The following KCTD5 variants were observed in gnomAD, a reference collection of about 807,000 sequenced individuals.
The protein encoded by KCTD5 is BTB/POZ domain-containing protein KCTD5.
In KCTD5, 12 loss-of-function variants were observed where a neutral mutation model predicts 27.9. The observed-to-expected ratio is 0.43, with a 90% CI of 0.28 to 0.70. The LOEUF is 0.70. Among genes scored for constraint, KCTD5 ranks in the 30% least tolerant of loss-of-function variants. The pLI, the probability that KCTD5 is intolerant of heterozygous loss-of-function variation, is 0.19. For missense variants in KCTD5, 226 were observed against 274.8 expected, an observed-to-expected ratio of 0.82 and a Z score of 1.26; for synonymous variants, 147 against 121.4, an observed-to-expected ratio of 1.21 and a Z score of -1.39.
At position 2,707,618 on chromosome 16, in the gene KCTD5, A is replaced by G; in HGVS notation, c.*291A>G. Reference sequence around the variant, plus strand: ...ACGTGGGACTGAGGCAGACACTCCCAGTCAGCCCGCTCGATCCTGAAGATC... The same window carrying G: ...ACGTGGGACTGAGGCAGACACTCCCGGTCAGCCCGCTCGATCCTGAAGATC... On this transcript the variant is annotated 3_prime_UTR_variant, in exon 6 of 6. Coordinates refer to ENST00000301738, the MANE Select transcript of KCTD5 (RefSeq NM_018992.4). The G allele has an allele frequency of 3.3e-6, 2 of 603,834 alleles. No homozygotes were observed. The highest frequency in any genetic ancestry group is 5.9e-6 in the Non-Finnish European group (2 of 339,360). 37.4% of individuals were successfully genotyped at this position (603,834 alleles called of 1,614,324 possible).
chr16:2,700,848 G>A (rs1057078611), intron 4 of KCTD5, among the ~76,000 whole-genome samples: 5 of 147,268 alleles, frequency 3.4e-5, no homozygotes, highest in African/African-American at 1.3e-4. Context: ...GTGTCCCACC[G>A]TCCACCCTGG....
At chr16:2,688,247 T>G (rs9935912) in intron 1 of KCTD5, among the ~76,000 whole-genome samples, 1 of 106,108 alleles carries the variant, frequency 9.4e-6, no homozygotes, top group African/African-American at 3.8e-5. Flanking sequence ...ATATATATAT[T>G]TATTTATTTA....
At position 2,698,136 on chromosome 16, in the gene KCTD5, C is replaced by G. The variant is rs922938654; in HGVS notation, c.453+139C>G. 6.4e-6 allele frequency: 4 copies of G among 628,456 alleles called. No homozygotes were observed. In the Admixed American group the frequency reaches 1.1e-4, roughly 18 times the overall value. The allele number at this position is 628,456 out of a possible 1,614,324, so 38.9% of individuals were successfully genotyped here. ...ACCCTGAGACCCTTGTCCTCTGTCA[C>G]TGCCCCAGTGCCTGCCAGCTCCGTC... On this transcript the variant is annotated intron_variant, in intron 3 of 5. Coordinates refer to ENST00000301738, the MANE Select transcript of KCTD5 (RefSeq NM_018992.4).
intron 5 of KCTD5, 54 bp downstream of exon 5, chr16:2,702,532 G>T (rs918829284): frequency 8.8e-6 from 14 of 1,593,350 alleles, no homozygotes; most frequent in South Asian, 6.7e-5. Context: ...GAAGGCTCTT[G>T]CCCTCTCAGA....
At chr16:2,685,405 C>T (rs571884638) in intron 1 of KCTD5, among the ~76,000 whole-genome samples, 3 of 151,238 alleles carry the variant, frequency 2.0e-5, no homozygotes, top group Non-Finnish European at 3.0e-5. Context: ...CCAGCATGGG[C>T]GACAGATCGA....
intron 1 of KCTD5, 170 bp downstream of exon 1, chr16:2,682,970 T>G: frequency 3.6e-5 from 26 of 718,478 alleles, no homozygotes; most frequent in Non-Finnish European, 4.8e-5. Context: ...CCCGATCCCC[T>G]ACCCTGGGAG....
intron 1 of KCTD5, among the ~76,000 whole-genome samples, chr16:2,687,946 G>C (rs1408762520): frequency 2.6e-5 from 4 of 152,056 alleles, no homozygotes; most frequent in Admixed American, 1.3e-4. Context: ...CTGGCCTGGG[G>C]TTGATGTGAC....
Position 2,697,687 on chromosome 16 carries a change from C to T in KCTD5, c.362-219C>T, listed in dbSNP as rs188878128. Among the ~76,000 whole-genome samples, 183 of 152,360 alleles carry T rather than the reference C, an allele frequency of 1.2e-3. 1 individual carries two copies. The highest frequency in any genetic ancestry group is 0.01 in the Middle Eastern group (3 of 294). On this transcript the variant is annotated intron_variant, in intron 2 of 5. Transcript: ENST00000301738. ...AGCTGGAGGTGTTCAGTCCACACATCGGCCCTCTCACCACGGCCCCTCCGC... is the reference window on the plus strand; with the variant it reads ...AGCTGGAGGTGTTCAGTCCACACATTGGCCCTCTCACCACGGCCCCTCCGC...
chr16:2,693,190 C>A (rs1318835229), intron 1 of KCTD5, among the ~76,000 whole-genome samples: 1 of 152,248 alleles, frequency 6.6e-6, no homozygotes, highest in African/African-American at 2.4e-5. Context: ...GGGCCCCTCT[C>A]CACCCAACCA....
Position 2,682,662 on chromosome 16 carries a change from C to A in KCTD5, c.114C>A (p.Arg38=), listed in dbSNP as rs759428146. ...CTGGGCTCGGCGCCCTGGCCCAGCGCCCTGGCAGCGTGTCCAAGTGGGTCC... is the reference window on the plus strand; with the variant it reads ...CTGGGCTCGGCGCCCTGGCCCAGCGACCTGGCAGCGTGTCCAAGTGGGTCC... ...CSAGLGALAQ[R]PGSVSKWVRL... is the part of the protein sequence containing the mutation. Residue 38 remains arginine (R), a synonymous_variant, in exon 1 of 6, where the codon CGC becomes CGA. Coordinates refer to ENST00000301738, the MANE Select transcript of KCTD5 (RefSeq NM_018992.4). 5 of 1,602,588 alleles carry A rather than the reference C, an allele frequency of 3.1e-6. No homozygotes were observed. Among genetic ancestry groups the A allele is most frequent in the Non-Finnish European group, 3.4e-6 (4 of 1,176,022 alleles).
intron 2 of KCTD5, chr16:2,697,077 G>C (rs564177177): frequency 6.6e-6 from 1 of 152,574 alleles, no homozygotes; most frequent in East Asian, 1.9e-4. Context: ...CTGGGTGCTA[G>C]AGAAGGGGGC....
intron 5 of KCTD5, among the ~76,000 whole-genome samples, chr16:2,707,090 CCT>C: frequency 6.6e-6 from 1 of 152,142 alleles, no homozygotes. Context: ...GTGAGCGCTC[CCT>C]GTGTGGGGCC....
At chr16:2,705,069 G>A (rs1174598482) in intron 5 of KCTD5, among the ~76,000 whole-genome samples, 1 of 152,224 alleles carries the variant, frequency 6.6e-6, no homozygotes, top group African/African-American at 2.4e-5. Context: ...TGGGCCCGGG[G>A]CACCCGCCCA....
At chr16:2,699,263 C>T (rs2067600731) in intron 3 of KCTD5, 2 of 455,500 alleles carry the variant, frequency 4.4e-6, no homozygotes, top group Middle Eastern at 3.2e-4. Flanking sequence ...GGCTCACCAT[C>T]ACTCCCAGGA....
Position 2,708,514 on chromosome 16 carries a change from C to G in KCTD5, c.*1187C>G, listed in dbSNP as rs1014427784. ...CTTTGCTTCCGGAACTCCGGCTTCC[C>G]AAGGGGTACTGTGCAGACTGACCAC... On this transcript the variant is annotated 3_prime_UTR_variant, in exon 6 of 6. Transcript: ENST00000301738. 1.3e-5 allele frequency: 2 copies of G among 152,294 alleles called. No individual in the cohort carries two copies. The highest frequency in any genetic ancestry group is 4.8e-5 in the African/African-American group (2 of 41,476). The allele number at this position is 152,294 out of a possible 1,614,324, so 9.4% of individuals were successfully genotyped here. A position where few individuals can be genotyped will look rare whatever the true frequency, so the allele number is the denominator to read the frequency against.
intron 3 of KCTD5, 52 bp from the exon 4 acceptor site, chr16:2,699,769 C>A: frequency 6.5e-7 from 1 of 1,539,114 alleles, no homozygotes; most frequent in Non-Finnish European, 9.0e-7. Flanking sequence ...GGGCCACAGG[C>A]AGCAGTGGGA....
At chr16:2,682,917 T>C in intron 1 of KCTD5, 117 bp downstream of exon 1, 4 of 1,272,250 alleles carry the variant, frequency 3.1e-6, no homozygotes, top group Non-Finnish European at 4.1e-6. Context: ...TCCTCGGGCT[T>C]CGAGCCCCGC....
At chr16:2,700,933 C>T (rs1310452817) in intron 4 of KCTD5, among the ~76,000 whole-genome samples, 1 of 152,038 alleles carries the variant, frequency 6.6e-6, no homozygotes, top group Admixed American at 6.6e-5. Flanking sequence ...TTGGTCCCTG[C>T]CCTGCACCTC....
chr16:2,703,147 T>C (rs900101976), intron 5 of KCTD5, among the ~76,000 whole-genome samples: 1 of 152,214 alleles, frequency 6.6e-6, no homozygotes, highest in African/African-American at 2.4e-5. Context: ...GCTTTCAGGT[T>C]GGCCCTGTGG....
Sources: allele counts gnomAD v4.1 joint callset (sites outside exome capture counted in the v4.1 genomes callset), GRCh38; gene constraint gnomAD v4.1.1; transcripts MANE v1.5; gene names NCBI Gene and HGNC (gene_info 2026-07-23, HGNC 2026-07-21).